NTF3: variants seen among roughly 807,000 people sequenced by gnomAD.
The protein encoded by NTF3 is neurotrophin-3.
NTF3 carries 8 observed loss-of-function variants against 26.3 expected under a neutral mutation model. The ratio of observed to expected loss-of-function variants is 0.30; its 90% CI spans 0.18 to 0.55. The LOEUF (loss-of-function observed/expected upper bound fraction) is 0.55, where lower values mean the gene tolerates loss of function less well. NTF3 is among the 20% of genes least tolerant of loss of function. The pLI is 0.93. For synonymous variants in NTF3, 154 were observed against 145.5 expected (o/e 1.06, Z -0.42); for missense variants, 276 against 352.9 (o/e 0.78, Z 1.75).
At chr12:5,452,984 C>T (rs746631912) in intron 1 of NTF3, among the ~76,000 whole-genome samples, 123 of 152,310 alleles carry the variant, frequency 8.1e-4, no homozygotes, top group Middle Eastern at 3.4e-3. Context: ...ATCCCAGCTC[C>T]ATCACTTGCT....
At chr12:5,477,982 C>T (rs532889219) in intron 1 of NTF3, among the ~76,000 whole-genome samples, 1 of 152,328 alleles carries the variant, frequency 6.6e-6, no homozygotes, top group Admixed American at 6.5e-5. Flanking sequence ...CCCTTGGTGA[C>T]TGCTTTCGTC....
chr12:5,452,299 T>A (rs1273054857), intron 1 of NTF3, among the ~76,000 whole-genome samples: 2 of 151,878 alleles, frequency 1.3e-5, no homozygotes, highest in Non-Finnish European at 2.9e-5. Flanking sequence ...TTTCACCATG[T>A]CAGCCCAGGA....
intron 1 of NTF3, among the ~76,000 whole-genome samples, chr12:5,450,967 G>A (rs1222174791): frequency 2.0e-5 from 3 of 152,146 alleles, no homozygotes; most frequent in Admixed American, 2.0e-4. Flanking sequence ...TAAATGTCTA[G>A]GAAGTGGTGG....
At chr12:5,430,524 C>A (rs574531469), upstream of NTF3, among the ~76,000 whole-genome samples, 1 of 151,584 alleles carries the variant, frequency 6.6e-6, no homozygotes, top group African/African-American at 2.4e-5. Context: ...ATGTGGCAAC[C>A]CCCATCAGCC....
chr12:5,432,218 C>G lies in NTF3; in HGVS notation c.-107C>G. The stretch of plus-strand genomic sequence containing the variant: ...CCTTTCTTTCTTCCTCTCCTTTTTC[C>G]CCTGCTGGGTAGTGGCTGCGGCGGG... On this transcript the variant is annotated 5_prime_UTR_variant, in exon 1 of 2. Coordinates refer to ENST00000423158, the MANE Select transcript of NTF3 (RefSeq NM_001102654.2). 7.9e-7 allele frequency: 1 copy of G among 1,262,680 alleles called. No individual in the cohort carries two copies. The allele number at this position is 1,262,680 out of a possible 1,614,324, so 78.2% of individuals were successfully genotyped here.
At chr12:5,461,072 G>T (rs527380583) in intron 1 of NTF3, among the ~76,000 whole-genome samples, 2 of 152,246 alleles carry the variant, frequency 1.3e-5, no homozygotes, top group South Asian at 2.1e-4. Flanking sequence ...TGGGATTGGG[G>T]GGGAAGGTTC....
intron 1 of NTF3, among the ~76,000 whole-genome samples, chr12:5,492,042 G>A (rs577370530): frequency 1.3e-5 from 2 of 152,064 alleles, no homozygotes; most frequent in Non-Finnish European, 2.9e-5. Flanking sequence ...CTGCATTTAG[G>A]TTGTCCTCAT....
At chr12:5,474,680 A>T (rs1221643671) in intron 1 of NTF3, among the ~76,000 whole-genome samples, 2 of 152,168 alleles carry the variant, frequency 1.3e-5, no homozygotes, top group African/African-American at 4.8e-5. Flanking sequence ...CGGGGAAGAA[A>T]TGATAGGGAA....
rs549759427 is a variant in NTF3, at chr12:5,456,876, G to T, written c.18+24534G>T. 1.6e-4 allele frequency among the ~76,000 whole-genome samples: 25 copies of T among 152,288 alleles called. 1 individual carries two copies. The South Asian group carries it at 3.9e-3, about 24-fold the overall frequency. ...AGAGTCCCTAAATGACTGCTGTGTA[G>T]CTACCATGAGTGTGCTGAGTGGCCC... On this transcript the variant is annotated intron_variant, in intron 1 of 1. Coordinates refer to ENST00000423158, the MANE Select transcript of NTF3 (RefSeq NM_001102654.2). The surrounding 1 kb of genome is among the most constrained non-coding windows in gnomAD (Gnocchi z 4.4).
At chr12:5,452,955 C>T (rs901479252) in intron 1 of NTF3, among the ~76,000 whole-genome samples, 23 of 152,186 alleles carry the variant, frequency 1.5e-4, no homozygotes, top group African/African-American at 4.3e-4. Context: ...AGGCAGAAGC[C>T]GGGCTGACTT....
intron 1 of NTF3, among the ~76,000 whole-genome samples, chr12:5,451,517 G>A (rs1301520356): frequency 1.3e-5 from 2 of 152,204 alleles, no homozygotes; most frequent in Non-Finnish European, 2.9e-5. Context: ...GTAAATATCT[G>A]TTCTAATGTA....
chr12:5,491,133 C>A (rs955256530), intron 1 of NTF3, among the ~76,000 whole-genome samples: 2 of 152,232 alleles, frequency 1.3e-5, no homozygotes, highest in African/African-American at 4.8e-5. Context: ...GTTTAGCAGT[C>A]TGACCTTAGA....
intron 1 of NTF3, among the ~76,000 whole-genome samples, chr12:5,451,459 A>T (rs116254068): frequency 1.3e-5 from 2 of 152,216 alleles, no homozygotes; most frequent in Non-Finnish European, 2.9e-5. Context: ...GCCTTTGGGG[A>T]TCCTTCCAGA....
chr12:5,490,870 G>T (rs964689721), intron 1 of NTF3, among the ~76,000 whole-genome samples: 1 of 152,212 alleles, frequency 6.6e-6, no homozygotes, highest in African/African-American at 2.4e-5. Context: ...CAGATGTAGA[G>T]GAGGGAGCTC....
At chr12:5,472,568 T>A (rs1940678491) in intron 1 of NTF3, among the ~76,000 whole-genome samples, 1 of 152,218 alleles carries the variant, frequency 6.6e-6, no homozygotes, top group Non-Finnish European at 1.5e-5. Context: ...TCCCTCTTTC[T>A]GGGTCAGAGC....
chr12:5,480,953 T>C (rs1245559050), intron 1 of NTF3, among the ~76,000 whole-genome samples: 1 of 152,078 alleles, frequency 6.6e-6, no homozygotes, highest in Admixed American at 6.5e-5. Context: ...CCCCTGCCTG[T>C]CCTCACATGT....
chr12:5,450,752 T>C (rs1940362818), intron 1 of NTF3, among the ~76,000 whole-genome samples: 1 of 152,216 alleles, frequency 6.6e-6, no homozygotes, highest in Non-Finnish European at 1.5e-5. Context: ...ATTTTCTACA[T>C]TGCACCTAAG....
rs143139886 is a variant in NTF3, at chr12:5,474,439, C to A, written c.19-19755C>A. 8.1e-4 allele frequency among the ~76,000 whole-genome samples: 124 copies of A among 152,264 alleles called. No individual in the cohort carries two copies. In the East Asian group the frequency reaches 0.021, roughly 25 times the overall value. ...CTGGCACAGGGAGTTGTCAGGGGAGCCCTGGCAGAGGTGAGAGTATACATG... is the reference window on the plus strand; with the variant it reads ...CTGGCACAGGGAGTTGTCAGGGGAGACCTGGCAGAGGTGAGAGTATACATG... On this transcript the variant is annotated intron_variant, in intron 1 of 1. Transcript: ENST00000423158.
intron 1 of NTF3, among the ~76,000 whole-genome samples, chr12:5,493,035 GC>G (rs1359928226): frequency 6.6e-6 from 1 of 152,192 alleles, no homozygotes; most frequent in African/African-American, 2.4e-5. Context: ...TGAGGTGGCA[GC>G]GATGGTGATT....
Sources: gnomAD v4.1 joint callset for allele counts (sites outside exome capture counted in the v4.1 genomes callset) on GRCh38, gnomAD v4.1.1 for gene constraint, Gnocchi (gnomAD v3.1) non-coding constraint, MANE v1.5 for transcripts, NCBI Gene and HGNC (gene_info 2026-07-23, HGNC 2026-07-21) for gene names.